The following FBP1 variants were observed in gnomAD, a reference collection of about 807,000 sequenced individuals.
The protein encoded by FBP1 is fructose-bisphosphatase 1, also known as fructose-1,6-bisphosphatase 1.
Under a neutral mutation model 29.9 loss-of-function variants are expected in FBP1, and 22 were observed. The ratio of observed to expected loss-of-function variants is 0.74; its 90% CI spans 0.53 to 1.05. The LOEUF is 1.05. FBP1 is among the 50% of genes least tolerant of loss of function. FBP1 has a pLI of 0.00. For synonymous variants in FBP1, 175 were observed against 178.6 expected (o/e 0.98, Z 0.16); for missense variants, 345 against 448.2 (o/e 0.77, Z 2.08).
chr9:94,631,113 C>A (rs1828098952), intron 1 of FBP1, among the ~76,000 whole-genome samples: 1 of 152,184 alleles, frequency 6.6e-6, no homozygotes, highest in Admixed American at 6.5e-5. Flanking sequence ...CTTGACATTT[C>A]ACTTCAATTT....
chr9:94,639,421 G>T lies in FBP1; in HGVS notation c.-111C>A. The T allele has an allele frequency of 7.6e-7, 1 of 1,307,274 alleles. No individual in the cohort carries two copies. The highest frequency in any genetic ancestry group is 1.1e-6 in the Non-Finnish European group (1 of 930,936). 81.0% of individuals were successfully genotyped at this position (1,307,274 alleles called of 1,614,324 possible). Reference sequence around the variant, plus strand: ...ACTGGCCGCAGGTGCGGAGCTGCAGGTGCGGGCGGCAGGTGCGGGCCGCGG... The same window carrying T: ...ACTGGCCGCAGGTGCGGAGCTGCAGTTGCGGGCGGCAGGTGCGGGCCGCGG... On this transcript the variant is annotated 5_prime_UTR_variant, in exon 1 of 7. Coordinates refer to ENST00000375326, the MANE Select transcript of FBP1 (RefSeq NM_000507.4).
chr9:94,628,381 C>A (rs75092786), intron 1 of FBP1, among the ~76,000 whole-genome samples: 191 of 135,738 alleles, frequency 1.4e-3, no homozygotes, highest in East Asian at 2.2e-3. Flanking sequence ...GACTCTGTCT[C>A]AAAAAAAAAA....
chr9:94,621,075 G>T (rs1827940148), intron 1 of FBP1, among the ~76,000 whole-genome samples: 1 of 152,052 alleles, frequency 6.6e-6, no homozygotes. Context: ...GTAGCCGGGT[G>T]TGGTGGTGGG....
intron 3 of FBP1, among the ~76,000 whole-genome samples, chr9:94,614,254 G>C (rs911783953): frequency 6.8e-6 from 1 of 147,050 alleles, no homozygotes; most frequent in African/African-American, 2.5e-5. Context: ...AATAGTAGTA[G>C]TCGTGGCCGG....
chr9:94,604,640 C>A (rs996771914), intron 6 of FBP1, among the ~76,000 whole-genome samples: 2 of 152,024 alleles, frequency 1.3e-5, no homozygotes, highest in Admixed American at 1.3e-4. Flanking sequence ...AAAAATTAGT[C>A]GGGCGTGGTG....
At chr9:94,626,884 T>C (rs964769498) in intron 1 of FBP1, among the ~76,000 whole-genome samples, 1 of 151,762 alleles carries the variant, frequency 6.6e-6, no homozygotes, top group Non-Finnish European at 1.5e-5. Flanking sequence ...TGAAATCCCA[T>C]CTCTACTAAA....
In FBP1 at chr9:94,620,377, G is replaced by A. The variant is rs770727417; in HGVS notation, c.285C>T (p.Leu95=). The A allele has an allele frequency of 7.4e-5, 120 of 1,614,076 alleles. No homozygotes were observed. Among genetic ancestry groups the A allele is most frequent in the South Asian group, 1.1e-4 (10 of 91,090 alleles). The change falls in exon 2 of 7, where the codon CTC becomes CTT. Residue 95 remains leucine (L), a synonymous_variant. Coordinates refer to ENST00000375326, the MANE Select transcript of FBP1 (RefSeq NM_000507.4). ...TGGCGTGTTTATCTTCTTCTGACAC[G>A]AGAACACACGTGGCAAAGGATGACT... The part of the protein sequence containing the change: ...MLKSSFATCV[L]VSEEDKHAII...
At chr9:94,620,123 C>T (rs753514418) in intron 2 of FBP1, among the ~76,000 whole-genome samples, 10 of 152,198 alleles carry the variant, frequency 6.6e-5, no homozygotes, top group Non-Finnish European at 1.2e-4. Context: ...GGGGAGAAGG[C>T]GGCGTGAGCC....
chr9:94,609,201 AAAAAAG>A (rs796950405), intron 4 of FBP1, among the ~76,000 whole-genome samples: 8,908 of 150,010 alleles, frequency 0.059, 815 homozygotes, highest in African/African-American at 0.21. Flanking sequence ...AAAAAAAAAA[AAAAAAG>A]AAAGAAAGAC....
intron 4 of FBP1, among the ~76,000 whole-genome samples, chr9:94,608,987 G>A (rs1456322080): frequency 6.6e-6 from 1 of 152,150 alleles, no homozygotes; most frequent in Non-Finnish European, 1.5e-5. Flanking sequence ...GATCACCTGA[G>A]GTTAGGAGTT....
chr9:94,606,620 C>G (rs1236414410), intron 5 of FBP1, among the ~76,000 whole-genome samples, 195 bp downstream of exon 5: 1 of 152,276 alleles, frequency 6.6e-6, no homozygotes, highest in East Asian at 1.9e-4. Context: ...CCAATCCACT[C>G]CATCCCTGCT....
intron 1 of FBP1, among the ~76,000 whole-genome samples, chr9:94,627,373 G>T (rs1198883642): frequency 1.3e-5 from 2 of 152,090 alleles, no homozygotes; most frequent in Non-Finnish European, 2.9e-5. Context: ...AAAAAGAAAA[G>T]AAATTATAAA....
intron 1 of FBP1, among the ~76,000 whole-genome samples, chr9:94,624,080 A>G (rs1827985652): frequency 1.3e-5 from 2 of 152,126 alleles, no homozygotes; most frequent in Admixed American, 1.3e-4. Flanking sequence ...TCATGCCTGT[A>G]ATCCCAGCAC....
At chr9:94,621,949 G>A (rs1309217447) in intron 1 of FBP1, among the ~76,000 whole-genome samples, 2 of 152,108 alleles carry the variant, frequency 1.3e-5, no homozygotes, top group South Asian at 2.1e-4. Flanking sequence ...GACTCCTGTG[G>A]ACTTCTCCAC....
At position 94,617,839 on chromosome 9, in the gene FBP1, C is replaced by G; in HGVS notation, c.355G>C (p.Asp119His). The change falls in exon 3 of 7, where the codon GAT becomes CAT. Residue 119 changes from aspartate to histidine, a missense_variant. Coordinates refer to ENST00000375326, the MANE Select transcript of FBP1 (RefSeq NM_000507.4). ...EKRGKYVVCF[D>H]PLDGSSNIDC... ...ATGTTGGAAGATCCATCAAGGGGAT[C>G]AAAACAGACCACATATTTACCCTGA... 4 of 1,613,326 alleles carry G rather than the reference C, an allele frequency of 2.5e-6. No homozygotes were observed. Among genetic ancestry groups the G allele is most frequent in the Non-Finnish European group, 3.4e-6 (4 of 1,179,462 alleles).
intron 1 of FBP1, among the ~76,000 whole-genome samples, chr9:94,635,542 A>T (rs768229816): frequency 2.0e-5 from 3 of 152,180 alleles, no homozygotes; most frequent in Non-Finnish European, 4.4e-5. Context: ...CACTAACAAG[A>T]TCTTTGCAGG....
intron 1 of FBP1, among the ~76,000 whole-genome samples, chr9:94,626,997 T>A (rs1828034804): frequency 6.6e-6 from 1 of 152,110 alleles, no homozygotes; most frequent in Admixed American, 6.5e-5. Context: ...AAGACCAGCC[T>A]GACCAACATG....
chr9:94,622,299 C>A (rs962845722), intron 1 of FBP1, among the ~76,000 whole-genome samples: 1 of 152,184 alleles, frequency 6.6e-6, no homozygotes, highest in African/African-American at 2.4e-5. Context: ...AAGGCGAGAG[C>A]CTTGATGTGG....
chr9:94,633,145 G>A (rs1282123398), intron 1 of FBP1, among the ~76,000 whole-genome samples: 1 of 152,096 alleles, frequency 6.6e-6, no homozygotes, highest in African/African-American at 2.4e-5. Flanking sequence ...GGTGGCATGG[G>A]CTCTGCATTC....
Sources: gnomAD v4.1 joint callset for allele counts (sites outside exome capture counted in the v4.1 genomes callset) on GRCh38, gnomAD v4.1.1 for gene constraint, MANE v1.5 for transcripts, NCBI Gene and HGNC (gene_info 2026-07-23, HGNC 2026-07-21) for gene names.